MEOX2: variants seen among roughly 807,000 people sequenced by gnomAD.
The protein encoded by MEOX2 is mesenchyme homeobox 2.
MEOX2 carries 11 observed loss-of-function variants against 27.0 expected under a neutral mutation model. That is an observed-to-expected ratio of 0.41 (90% CI 0.26 to 0.68). The LOEUF (loss-of-function observed/expected upper bound fraction) is 0.68. MEOX2 is among the 30% of genes least tolerant of loss of function. The probability of loss-of-function intolerance (pLI) is 0.33; values close to 1 mark genes in which losing one functional copy is unlikely to be tolerated. For synonymous variants in MEOX2, 189 were observed against 155.4 expected (o/e 1.22, Z -1.61); for missense variants, 436 against 385.4 (o/e 1.13, Z -1.10).
chr7:15,671,563 A>C (rs931553527), intron 1 of MEOX2, among the ~76,000 whole-genome samples: 4 of 152,046 alleles, frequency 2.6e-5, no homozygotes, highest in Non-Finnish European at 5.9e-5. Flanking sequence ...ACCCCTCACT[A>C]TCATTTCTCC....
At chr7:15,628,938 A>C (rs1781357939) in intron 1 of MEOX2, among the ~76,000 whole-genome samples, 1 of 152,082 alleles carries the variant, frequency 6.6e-6, no homozygotes, top group South Asian at 2.1e-4. Context: ...TCTCAGGTGA[A>C]TTGAAAGAAC....
chr7:15,656,372 C>T (rs1001719655), intron 1 of MEOX2, among the ~76,000 whole-genome samples: 4 of 151,488 alleles, frequency 2.6e-5, no homozygotes, highest in Non-Finnish European at 4.4e-5. Flanking sequence ...TTATTGTATG[C>T]TAGAGCTTAC....
intron 1 of MEOX2, among the ~76,000 whole-genome samples, chr7:15,676,610 C>A (rs549574688): frequency 6.6e-6 from 1 of 152,202 alleles, no homozygotes; most frequent in South Asian, 2.1e-4. Context: ...GTGGCTCACA[C>A]CTGTAATCCC....
chr7:15,636,870 C>T (rs774439278), intron 1 of MEOX2, among the ~76,000 whole-genome samples: 4 of 151,962 alleles, frequency 2.6e-5, no homozygotes, highest in South Asian at 2.1e-4. Context: ...GGCAAAAGAG[C>T]GTGATCCCAT....
intron 1 of MEOX2, among the ~76,000 whole-genome samples, chr7:15,643,338 G>A (rs1403982191): frequency 1.3e-5 from 2 of 152,118 alleles, no homozygotes; most frequent in African/African-American, 4.8e-5. Flanking sequence ...GGCAAAGCTG[G>A]GTGACGCTGG....
At position 15,685,963 on chromosome 7, in the gene MEOX2, C is replaced by A. The variant is rs772029318; in HGVS notation, c.440G>T (p.Gly147Val). 1 of 1,611,370 alleles carries A rather than the reference C, an allele frequency of 6.2e-7. No homozygotes were observed. ...STPTGAACAP[G>V]DYGRQALSPA... ...TGACAGTGCCTGGCGGCCGTAGTCC[C>A]CCGGCGCGCACGCGGCCCCAGTCGG... Residue 147 changes from glycine to valine, a missense_variant, in exon 1 of 3, where the codon GGG becomes GTG. Gly to Val is a moderately radical substitution (Grantham distance 109). Coordinates refer to ENST00000262041, the MANE Select transcript of MEOX2 (RefSeq NM_005924.5).
At chr7:15,685,034 C>A (rs185512102) in intron 1 of MEOX2, among the ~76,000 whole-genome samples, 7 of 151,994 alleles carry the variant, frequency 4.6e-5, no homozygotes, top group African/African-American at 1.7e-4. Context: ...TGCGCGCACC[C>A]TTGCATACCC....
intron 2 of MEOX2, among the ~76,000 whole-genome samples, chr7:15,617,766 A>G (rs1020528373): frequency 6.6e-6 from 1 of 152,066 alleles, no homozygotes; most frequent in Admixed American, 6.6e-5. Flanking sequence ...GATTTAGCAC[A>G]TTGGGAATCA....
intron 2 of MEOX2, 96 bp from the exon 3 acceptor site, chr7:15,612,707 A>G: frequency 1.1e-6 from 1 of 950,052 alleles, no homozygotes; most frequent in East Asian, 2.5e-5. Context: ...GAAGTTCCTC[A>G]AAGGCTTATA....
At chr7:15,633,990 A>T (rs180955391) in intron 1 of MEOX2, among the ~76,000 whole-genome samples, 1 of 151,958 alleles carries the variant, frequency 6.6e-6, no homozygotes, top group Non-Finnish European at 1.5e-5. Context: ...ATTGCTTTCT[A>T]TTAACTTTTA....
intron 1 of MEOX2, among the ~76,000 whole-genome samples, chr7:15,627,551 G>GT (rs1182783855): frequency 6.6e-6 from 1 of 151,984 alleles, no homozygotes; most frequent in Non-Finnish European, 1.5e-5. Context: ...TATGAACAGA[G>GT]TTTTTAAATG....
At chr7:15,629,551 A>T (rs569703666) in intron 1 of MEOX2, among the ~76,000 whole-genome samples, 17 of 152,110 alleles carry the variant, frequency 1.1e-4, no homozygotes, top group Non-Finnish European at 2.2e-4. Context: ...ATTACATTAA[A>T]TTAGATGACA....
intron 2 of MEOX2, among the ~76,000 whole-genome samples, chr7:15,614,204 TAA>T (rs1781084932): frequency 1.1e-3 from 4 of 3,766 alleles, no homozygotes; most frequent in Admixed American, 5.7e-3. Context: ...AATAAATAGA[TAA>T]AATAAAATAA....
chr7:15,632,619 G>T (rs370890207), intron 1 of MEOX2, among the ~76,000 whole-genome samples: 2 of 151,786 alleles, frequency 1.3e-5, no homozygotes, highest in East Asian at 3.9e-4. Flanking sequence ...TATTTTTAAA[G>T]GCCAGAGACA....
At chr7:15,653,987 G>A (rs1450032125) in intron 1 of MEOX2, among the ~76,000 whole-genome samples, 1 of 151,890 alleles carries the variant, frequency 6.6e-6, no homozygotes, top group African/African-American at 2.4e-5. Flanking sequence ...AAAACTTACA[G>A]CAAATTGGGG....
chr7:15,612,495 T>C lies in MEOX2; in HGVS notation c.807A>G (p.Pro269=). 6.2e-7 allele frequency: 1 copy of C among 1,614,140 alleles called. No homozygotes were observed. Among genetic ancestry groups the C allele is most frequent in the Non-Finnish European group, 8.5e-7 (1 of 1,179,990 alleles). ...CTGCACCAATTCCCGACAGCTCTGA[T>C]GGGAGAAGTGTTCCCTTTTTCACAT... ...LVNVKKGTLL[P]SELSGIGAAT... is the part of the protein sequence containing the mutation. Residue 269 remains proline, a synonymous_variant, in exon 3 of 3, where the codon CCA becomes CCG. Transcript: ENST00000262041.
At chr7:15,633,845 C>T (rs1288803586) in intron 1 of MEOX2, among the ~76,000 whole-genome samples, 1 of 151,776 alleles carries the variant, frequency 6.6e-6, no homozygotes, top group Non-Finnish European at 1.5e-5. Context: ...ATACTAAATA[C>T]CTACTATTCT....
chr7:15,666,525 G>A lies in MEOX2; in HGVS notation c.517+19361C>T, dbSNP rs543846996. Among the ~76,000 whole-genome samples, 14 of 151,816 alleles carry A rather than the reference G, an allele frequency of 9.2e-5. No individual in the cohort carries two copies. In the South Asian group the frequency reaches 1.0e-3, roughly 11 times the overall value. On this transcript the variant is annotated intron_variant, in intron 1 of 2. Transcript: ENST00000262041. ...TCCCAGCACTTTGGGAGGCCAAGGC[G>A]GGCAGATCATAAGGTCAGGAGTTCA...
chr7:15,621,922 G>A (rs1166560394), intron 2 of MEOX2, among the ~76,000 whole-genome samples: 2 of 152,106 alleles, frequency 1.3e-5, no homozygotes, highest in Non-Finnish European at 2.9e-5. Flanking sequence ...TTCAAGACCA[G>A]CCTGGCCAAG....
Sources: gnomAD v4.1 joint callset for allele counts (sites outside exome capture counted in the v4.1 genomes callset) on GRCh38, gnomAD v4.1.1 for gene constraint, MANE v1.5 for transcripts, NCBI Gene and HGNC (gene_info 2026-07-23, HGNC 2026-07-21) for gene names.